Variants in ARL16 observed in about 807,000 individuals in gnomAD.
ARL16 encodes the protein ADP-ribosylation factor-like protein 16.
ARL16 carries 21 observed loss-of-function variants against 14.1 expected under a neutral mutation model. That is an observed-to-expected ratio of 1.48 (90% CI 1.05 to 2.14). The LOEUF (loss-of-function observed/expected upper bound fraction) is 2.14, where lower values mean the gene tolerates loss of function less well. Ranked by LOEUF, ARL16 falls within the 30% of genes most tolerant of loss-of-function variation. The pLI, the probability that ARL16 is intolerant of heterozygous loss-of-function variation, is 0.00. For missense variants in ARL16, 248 were observed against 222.0 expected (o/e 1.12, Z -0.74); for synonymous variants, 122 against 91.8 (o/e 1.33, Z -1.88).
rs755264434 is a variant in ARL16, at chr17:81,681,777, G to A, written c.453C>T (p.Ser151=). Reference sequence around the variant, plus strand: ...CTGCTAAGCCAGTGCCTTCACGGGCGCTGATTTCTGCCGTGGTGATGTTCT... The same window carrying A: ...CTGCTAAGCCAGTGCCTTCACGGGCACTGATTTCTGCCGTGGTGATGTTCT... ...AKQNITTAEI[S]AREGTGLAGV... Residue 151 remains serine (S), a synonymous_variant, in exon 5 of 5, where the codon AGC becomes AGT. Transcript: ENST00000622299. The A allele has an allele frequency of 1.1e-5, 18 of 1,611,120 alleles. No homozygotes were observed. Among genetic ancestry groups the A allele is most frequent in the South Asian group, 6.6e-5 (6 of 90,574 alleles).
intron 4 of ARL16, 73 bp downstream of exon 4, chr17:81,681,961 A>G (rs2036853885): frequency 6.4e-7 from 1 of 1,563,756 alleles, no homozygotes; most frequent in Non-Finnish European, 8.7e-7. Flanking sequence ...CTCCCTACCG[A>G]GCCATGCTTC....
chr17:81,683,006 A>T lies in ARL16; in HGVS notation c.234+7T>A. On this transcript the variant is annotated splice_region_variant and intron_variant, in intron 3 of 4. Transcript: ENST00000622299. Reference sequence around the variant, plus strand: ...CTAAAGGAAGCCCATATAGGATTACAACCCACCAGGAGAGAACGGCAGTTT... The same window carrying T: ...CTAAAGGAAGCCCATATAGGATTACTACCCACCAGGAGAGAACGGCAGTTT... The T allele has an allele frequency of 6.2e-7, 1 of 1,612,032 alleles. No individual in the cohort carries two copies. The highest frequency in any genetic ancestry group is 8.5e-7 in the Non-Finnish European group (1 of 1,178,424).
intron 4 of ARL16, 72 bp from the exon 5 acceptor site, chr17:81,681,951 C>T: frequency 1.2e-5 from 18 of 1,560,300 alleles, no homozygotes; most frequent in Middle Eastern, 1.7e-4. Context: ...GCTGCACCAC[C>T]TCCCTACCGA....
chr17:81,682,987 G>A (rs2036882548), intron 3 of ARL16, 26 bp downstream of exon 3: 12 of 1,590,138 alleles, frequency 7.5e-6, no homozygotes, highest in Admixed American at 1.7e-5. Context: ...TTCCCTAAAG[G>A]AAGCCCATAT....
chr17:81,682,082 G>A lies in ARL16; in HGVS notation c.302C>T (p.Ser101Phe), dbSNP rs1480924022. 3.1e-6 allele frequency: 5 copies of A among 1,613,228 alleles called. No individual in the cohort carries two copies. The highest frequency in any genetic ancestry group is 1.3e-5 in the African/African-American group (1 of 74,918). The change falls in exon 4 of 5, where the codon TCT (serine) becomes TTT (phenylalanine). Residue 101 changes from serine (S) to phenylalanine (F), a missense_variant. Transcript: ENST00000622299. ...CGATGCTTCTGCAAGTTGTTCTGCA[G>A]AAAGGAGACCTAAGAGCTGCACACA... ...ASCVQLLGLL[S>F]AEQLAEASVL...
chr17:81,681,827 G>C lies in ARL16; in HGVS notation c.403C>G (p.Pro135Ala). ...TGCTTGGCACAAGCAATGATGTCTG[G>C]AAGCCTGATTAATGACTTCATCTCC... ...TEEMKSLIRL[P>A]DIIACAKQNI... The change falls in exon 5 of 5, where the codon CCA becomes GCA. Residue 135 changes from proline (P) to alanine (A), a missense_variant. Pro to Ala is a conservative substitution (Grantham distance 27). Coordinates refer to ENST00000622299, the MANE Select transcript of ARL16 (RefSeq NM_001040025.3). The C allele has an allele frequency of 1.2e-6, 2 of 1,613,136 alleles. No individual in the cohort carries two copies. The highest frequency in any genetic ancestry group is 1.7e-6 in the Non-Finnish European group (2 of 1,179,782).
Position 81,683,332 on chromosome 17 carries a change from G to C in ARL16, c.120+204C>G, listed in dbSNP as rs1303462677. ...CCAGCCACAGGAAGCCGTTGCGAGG[G>C]GAGAGGAAGTGCCCGTGGAGGGCGG... On this transcript the variant is annotated intron_variant, in intron 2 of 4. Coordinates refer to ENST00000622299, the MANE Select transcript of ARL16 (RefSeq NM_001040025.3). The C allele has an allele frequency of 3.5e-6, 3 of 845,484 alleles. No individual in the cohort carries two copies. The African/African-American group carries it at 5.2e-5, about 15-fold the overall frequency. 52.4% of individuals were successfully genotyped at this position (845,484 alleles called of 1,614,324 possible). A position where few individuals can be genotyped will look rare whatever the true frequency, so the allele number is the denominator to read the frequency against.
chr17:81,682,093 T>C lies in ARL16; in HGVS notation c.291A>G (p.Leu97=). Residue 97 remains leucine (L), a synonymous_variant, in exon 4 of 5, where the codon TTA becomes TTG. Coordinates refer to ENST00000622299, the MANE Select transcript of ARL16 (RefSeq NM_001040025.3). ...TQLSASCVQL[L]GLLSAEQLAE... ...CAAGTTGTTCTGCAGAAAGGAGACC[T>C]AAGAGCTGCACACAGGATGCAGAGA... is the stretch of plus-strand genomic sequence containing the variant. 6.2e-7 allele frequency: 1 copy of C among 1,613,176 alleles called. No homozygotes were observed.
Position 81,683,130 on chromosome 17 carries a change from T to C in ARL16, c.121-4A>G, listed in dbSNP as rs757522900. The C allele has an allele frequency of 8.7e-6, 14 of 1,603,058 alleles. No individual in the cohort carries two copies. The highest frequency in any genetic ancestry group is 7.0e-5 in the Admixed American group (4 of 56,822). The stretch of plus-strand genomic sequence containing the variant: ...TGTCAGTAAGATTGGTGCCCACCTA[T>C]AGGAAAAACCACGATGCAAAAAGAA... On this transcript the variant is annotated splice_polypyrimidine_tract_variant and splice_region_variant and intron_variant, in intron 2 of 4. Coordinates refer to ENST00000622299, the MANE Select transcript of ARL16 (RefSeq NM_001040025.3).
Position 81,683,133 on chromosome 17 carries a change from G to A in ARL16, c.121-7C>T, listed in dbSNP as rs375632207. The A allele has an allele frequency of 7.5e-6, 12 of 1,601,160 alleles. No homozygotes were observed. In the African/African-American group the frequency reaches 8.1e-5, roughly 11 times the overall value. On this transcript the variant is annotated splice_polypyrimidine_tract_variant and splice_region_variant and intron_variant, in intron 2 of 4. Coordinates refer to ENST00000622299, the MANE Select transcript of ARL16 (RefSeq NM_001040025.3). ...CAGTAAGATTGGTGCCCACCTATAG[G>A]AAAAACCACGATGCAAAAAGAACAA...
In ARL16 at chr17:81,681,773, G is replaced by A. The variant is rs376201968; in HGVS notation, c.457C>T (p.Arg153Cys). 233 of 1,610,880 alleles carry A rather than the reference G, an allele frequency of 1.4e-4. No homozygotes were observed. Among genetic ancestry groups the A allele is most frequent in the Non-Finnish European group, 1.9e-4 (220 of 1,178,936 alleles). Reference sequence around the variant, plus strand: ...ACCCCTGCTAAGCCAGTGCCTTCACGGGCGCTGATTTCTGCCGTGGTGATG... The same window carrying A: ...ACCCCTGCTAAGCCAGTGCCTTCACAGGCGCTGATTTCTGCCGTGGTGATG... Reference protein sequence around the residue: ...QNITTAEISAREGTGLAGVLA... With the variant: ...QNITTAEISACEGTGLAGVLA... The change falls in exon 5 of 5, where the codon CGT (arginine) becomes TGT (cysteine). Residue 153 changes from arginine (R) to cysteine (C), a missense_variant. Coordinates refer to ENST00000622299, the MANE Select transcript of ARL16 (RefSeq NM_001040025.3).
rs998585011 is a variant in ARL16 at position 81,683,020 on chromosome 17, G to A, written c.227C>T (p.Ser76Phe). The change falls in exon 3 of 5, where the codon TCT becomes TTT. Residue 76 changes from serine (S) to phenylalanine (F), a missense_variant. Physicochemically the swap from Ser to Phe is radical, Grantham distance 155. Transcript: ENST00000622299. ...IWSSYYGNCR[S>F]LLFVMDASDP... ...TATAGGATTACAACCCACCAGGAGAGAACGGCAGTTTCCATAGTAACTGGA... is the reference window on the plus strand; with the variant it reads ...TATAGGATTACAACCCACCAGGAGAAAACGGCAGTTTCCATAGTAACTGGA... The A allele has an allele frequency of 3.7e-6, 6 of 1,613,338 alleles. No individual in the cohort carries two copies. The African/African-American group carries it at 5.3e-5, about 14-fold the overall frequency.
chr17:81,683,505 C>G (rs368003886), intron 2 of ARL16, 31 bp downstream of exon 2: 69 of 1,536,330 alleles, frequency 4.5e-5, no homozygotes, highest in Admixed American at 3.6e-4. Flanking sequence ...ACTGACCCCC[C>G]GCAACTCCAC....
At position 81,681,711 on chromosome 17, in the gene ARL16, A is replaced by G. The variant is rs2036847188; in HGVS notation, c.519T>C (p.Asp173=). 2 of 1,602,686 alleles carry G rather than the reference A, an allele frequency of 1.2e-6. No individual in the cohort carries two copies. The highest frequency in any genetic ancestry group is 2.2e-5 in the South Asian group (2 of 89,504). Residue 173 remains aspartate (D), a synonymous_variant, in exon 5 of 5, where the codon GAT becomes GAC. Coordinates refer to ENST00000622299, the MANE Select transcript of ARL16 (RefSeq NM_001040025.3). ...CAGCTGCGCCTCTGCCGTGCAGTCA[A>G]TCGTTGGCTCTGTGGGTGGCCTGGA... is the stretch of plus-strand genomic sequence containing the variant. ...AWLQATHRAN[D]
In ARL16 at chr17:81,681,452, C is replaced by G. The variant is rs1164418060; in HGVS notation, c.*256G>C. The G allele has an allele frequency of 7.6e-6, 3 of 396,856 alleles. No homozygotes were observed. The South Asian group carries it at 9.7e-5, about 13-fold the overall frequency. 24.6% of individuals were successfully genotyped at this position (396,856 alleles called of 1,614,324 possible). ...CCGACCTCAGGTGATACACCCGCCTCGGCCTCTCAAAGTGCTGGGATTACA... is the reference window on the plus strand; with the variant it reads ...CCGACCTCAGGTGATACACCCGCCTGGGCCTCTCAAAGTGCTGGGATTACA... On this transcript the variant is annotated 3_prime_UTR_variant, in exon 5 of 5. Coordinates refer to ENST00000622299, the MANE Select transcript of ARL16 (RefSeq NM_001040025.3).
chr17:81,683,732 T>C lies in ARL16; in HGVS notation c.22A>G (p.Thr8Ala). Residue 8 changes from threonine to alanine, a missense_variant, in exon 1 of 5, where the codon ACG becomes GCG. Coordinates refer to ENST00000622299, the MANE Select transcript of ARL16 (RefSeq NM_001040025.3). ...ACCAGCAGCGTCTTCCCGACGCCCG[T>C]GGCCCCCAGCAGGAGACACATTCCG... MCLLLGA[T>A]GVGKTLLVKR... 8.1e-6 allele frequency: 13 copies of C among 1,608,140 alleles called. No homozygotes were observed. The highest frequency in any genetic ancestry group is 1.1e-5 in the Non-Finnish European group (13 of 1,178,678).
Position 81,682,826 on chromosome 17 carries a change from A to G in ARL16, c.234+187T>C, listed in dbSNP as rs1477119840. 4 of 596,180 alleles carry G rather than the reference A, an allele frequency of 6.7e-6. No homozygotes were observed. The South Asian group carries it at 8.2e-5, about 12-fold the overall frequency. The allele number at this position is 596,180 out of a possible 1,614,324, so 36.9% of individuals were successfully genotyped here. ...TGTGAGCTCCTACCGGGGGCCTGGG[A>G]GCGCAAGCACCAGAAACCAGACAGG... is the stretch of plus-strand genomic sequence containing the variant. On this transcript the variant is annotated intron_variant, in intron 3 of 4. Transcript: ENST00000622299.
At chr17:81,681,996 G>GC (rs766156138) in intron 4 of ARL16, 38 bp downstream of exon 4, 34 of 1,572,338 alleles carry the variant, frequency 2.2e-5, no homozygotes, top group Middle Eastern at 3.5e-4. Flanking sequence ...GGGAGCCCCC[G>GC]CCCCCGCTGT....
Position 81,681,881 on chromosome 17 carries a change from T to G in ARL16, c.351-2A>C. 2.5e-6 allele frequency: 4 copies of G among 1,611,376 alleles called. No homozygotes were observed. The highest frequency in any genetic ancestry group is 3.4e-6 in the Non-Finnish European group (4 of 1,179,056). ...GTGGACATGTAACAGGGTAGGTCGC[T>G]GGAGAGAAAGAGGTGCCCCATCAGA... On this transcript the variant is annotated splice_acceptor_variant, in intron 4 of 4. Transcript: ENST00000622299. LOFTEE classifies it high-confidence loss of function.
Sources: allele counts gnomAD v4.1 joint callset, GRCh38; gene constraint gnomAD v4.1.1; transcripts MANE v1.5; gene names NCBI Gene and HGNC (gene_info 2026-07-23, HGNC 2026-07-21).